Variants in ME1 observed in about 807,000 individuals in gnomAD.
ME1 encodes malic enzyme 1.
Under a neutral mutation model 66.4 loss-of-function variants are expected in ME1, and 74 were observed. The ratio of observed to expected loss-of-function variants is 1.11; its 90% CI spans 0.92 to 1.35. The LOEUF is 1.35. Among genes scored for constraint, ME1 ranks in the 40% most tolerant of loss-of-function variants. The pLI, the probability that ME1 is intolerant of heterozygous loss-of-function variation, is 0.00. For missense variants in ME1, 750 were observed against 694.1 expected, an observed-to-expected ratio of 1.08 and a Z score of -0.90; for synonymous variants, 251 against 235.6, an observed-to-expected ratio of 1.07 and a Z score of -0.60.
intron 2 of ME1, among the ~76,000 whole-genome samples, chr6:83,399,308 T>C (rs2128550843): frequency 6.6e-6 from 1 of 152,300 alleles, no homozygotes; most frequent in South Asian, 2.1e-4. Context: ...GAAATACTCT[T>C]AAATATTGCA....
chr6:83,246,851 AAAAGCATC>A (rs1353024859), intron 7 of ME1, among the ~76,000 whole-genome samples: 2 of 152,134 alleles, frequency 1.3e-5, no homozygotes, highest in Non-Finnish European at 2.9e-5. Context: ...CTCATTTTCT[AAAAGCATC>A]ATTAACAGTT....
chr6:83,313,272 G>C (rs1767964354), intron 6 of ME1, among the ~76,000 whole-genome samples: 1 of 151,624 alleles, frequency 6.6e-6, no homozygotes. Context: ...TTTAGTCTTT[G>C]GCATTTTTCT....
At chr6:83,256,186 C>T (rs1385417254) in intron 6 of ME1, among the ~76,000 whole-genome samples, 2 of 152,094 alleles carry the variant, frequency 1.3e-5, no homozygotes, top group Non-Finnish European at 1.5e-5. Context: ...AGAATAGTAA[C>T]AGCCTATTAC....
chr6:83,315,244 G>A, intron 6 of ME1, 66 bp downstream of exon 6: 5 of 944,334 alleles, frequency 5.3e-6, no homozygotes, highest in Non-Finnish European at 6.7e-6. Context: ...CATAAATCTT[G>A]GATTTTTTAA....
intron 3 of ME1, among the ~76,000 whole-genome samples, chr6:83,357,902 C>CCCCT (rs1554270311): frequency 1.3e-4 from 4 of 31,560 alleles, no homozygotes; most frequent in African/African-American, 4.2e-4. Flanking sequence ...AATAAACTCC[C>CCCCT]CTCTCTCTCT....
At position 83,398,526 on chromosome 6, in the gene ME1, T is replaced by C. The variant is rs200037599; in HGVS notation, c.213-10A>G. The C allele has an allele frequency of 5.5e-6, 8 of 1,463,574 alleles. No individual in the cohort carries two copies. Among genetic ancestry groups the C allele is most frequent in the Non-Finnish European group, 7.4e-6 (8 of 1,074,768 alleles). The allele number at this position is 1,463,574 out of a possible 1,614,324, so 90.7% of individuals were successfully genotyped here. On this transcript the variant is annotated splice_polypyrimidine_tract_variant and intron_variant, in intron 2 of 13. Coordinates refer to ENST00000369705, the MANE Select transcript of ME1 (RefSeq NM_002395.6). ...CATTAAGAGAAGATACCTGTAAAAA[T>C]TGGACATAATTAGATCTACATCCCA...
At chr6:83,428,662 C>A (rs1263965475) in intron 1 of ME1, among the ~76,000 whole-genome samples, 1 of 152,134 alleles carries the variant, frequency 6.6e-6, no homozygotes, top group African/African-American at 2.4e-5. Context: ...TGAAGAAAGT[C>A]CCATAGCTGT....
intron 1 of ME1, among the ~76,000 whole-genome samples, chr6:83,408,949 C>G (rs980720166): frequency 1.3e-5 from 2 of 152,092 alleles, no homozygotes; most frequent in East Asian, 1.9e-4. Context: ...ATCCTCACCC[C>G]CAAGGCGATG....
rs538573061 is a variant in ME1 at position 83,302,852 on chromosome 6, G to A, written c.704+12458C>T. ...TGGCAGACAGGAAGGTGAAGTGCAT[G>A]GGCCAGATCACAAAGGGATTTATAT... On this transcript the variant is annotated intron_variant, in intron 6 of 13. Coordinates refer to ENST00000369705, the MANE Select transcript of ME1 (RefSeq NM_002395.6). Among the ~76,000 whole-genome samples, 25 of 152,204 alleles carry A rather than the reference G, an allele frequency of 1.6e-4. 1 individual carries two copies. The highest frequency in any genetic ancestry group is 6.8e-3 in the Middle Eastern group (2 of 294).
intron 9 of ME1, among the ~76,000 whole-genome samples, chr6:83,232,781 T>C (rs1373997691): frequency 6.6e-6 from 1 of 152,194 alleles, no homozygotes; most frequent in Non-Finnish European, 1.5e-5. Context: ...CTAGAGATTA[T>C]ACTTTCAGGA....
chr6:83,360,163 A>G (rs1768981191), intron 3 of ME1, among the ~76,000 whole-genome samples: 1 of 152,188 alleles, frequency 6.6e-6, no homozygotes, highest in African/African-American at 2.4e-5. Context: ...CAAACCCACA[A>G]TCCCTTGAAT....
intron 7 of ME1, among the ~76,000 whole-genome samples, chr6:83,249,312 G>A (rs1196579220): frequency 6.6e-6 from 1 of 151,790 alleles, no homozygotes; most frequent in Non-Finnish European, 1.5e-5. Flanking sequence ...CATGATCTCA[G>A]CTTGCTGAAA....
At chr6:83,311,096 A>T (rs1370650897) in intron 6 of ME1, among the ~76,000 whole-genome samples, 1 of 151,982 alleles carries the variant, frequency 6.6e-6, no homozygotes, top group African/African-American at 2.4e-5. Context: ...TCACCCCCAT[A>T]AGTTAACATG....
At chr6:83,343,685 G>A (rs1211218944) in intron 5 of ME1, among the ~76,000 whole-genome samples, 3 of 152,166 alleles carry the variant, frequency 2.0e-5, no homozygotes, top group Non-Finnish European at 4.4e-5. Flanking sequence ...TGAAGGATAG[G>A]TGGATGCGTT....
intron 7 of ME1, among the ~76,000 whole-genome samples, chr6:83,253,412 A>C (rs1361644425): frequency 1.3e-5 from 2 of 152,106 alleles, no homozygotes; most frequent in African/African-American, 4.8e-5. Flanking sequence ...CTTGGAGCTC[A>C]TTTTCTAGCT....
At chr6:83,270,969 C>A (rs1394398099) in intron 6 of ME1, among the ~76,000 whole-genome samples, 2 of 149,766 alleles carry the variant, frequency 1.3e-5, no homozygotes, top group Non-Finnish European at 3.0e-5. Context: ...TAATCAAAGC[C>A]AAACAAATTT....
At chr6:83,259,308 G>A (rs1269115855) in intron 6 of ME1, among the ~76,000 whole-genome samples, 2 of 152,080 alleles carry the variant, frequency 1.3e-5, no homozygotes, top group African/African-American at 4.8e-5. Flanking sequence ...AATGCTCACT[G>A]GGAAAATAGT....
At chr6:83,421,411 A>C (rs937336006) in intron 1 of ME1, among the ~76,000 whole-genome samples, 1 of 152,192 alleles carries the variant, frequency 6.6e-6, no homozygotes, top group African/African-American at 2.4e-5. Context: ...TTCTGTGCAA[A>C]GTGGTAGCTA....
intron 11 of ME1, among the ~76,000 whole-genome samples, chr6:83,226,230 A>G (rs1228367765): frequency 6.6e-6 from 1 of 152,206 alleles, no homozygotes; most frequent in Non-Finnish European, 1.5e-5. Context: ...TGAGGCATAC[A>G]TTTATATCAG....
Sources: allele counts gnomAD v4.1 joint callset (sites outside exome capture counted in the v4.1 genomes callset), GRCh38; gene constraint gnomAD v4.1.1; transcripts MANE v1.5; gene names NCBI Gene and HGNC (gene_info 2026-07-23, HGNC 2026-07-21).